NKAIN3: variants seen among roughly 807,000 people sequenced by gnomAD.
The protein encoded by NKAIN3 is sodium/potassium-transporting ATPase subunit beta-1-interacting protein 3.
A neutral mutation model predicts 30.2 loss-of-function variants in NKAIN3; 25 were observed. The ratio of observed to expected loss-of-function variants is 0.83; its 90% CI spans 0.60 to 1.16. The LOEUF is 1.16. NKAIN3 is among the 50% of genes most tolerant of loss of function. The pLI, the probability that NKAIN3 is intolerant of heterozygous loss-of-function variation, is 0.00. For missense variants in NKAIN3, 225 were observed against 254.1 expected, an observed-to-expected ratio of 0.89 and a Z score of 0.78; for synonymous variants, 91 against 89.6, an observed-to-expected ratio of 1.02 and a Z score of -0.09.
At chr8:62,537,533 C>G (rs1361032047) in intron 1 of NKAIN3, among the ~76,000 whole-genome samples, 1 of 152,004 alleles carries the variant, frequency 6.6e-6, no homozygotes, top group Non-Finnish European at 1.5e-5. Context: ...GGAGAAAATT[C>G]TTCCCCAGTC....
chr8:62,815,319 G>C (rs1818640155), intron 4 of NKAIN3, among the ~76,000 whole-genome samples: 1 of 152,204 alleles, frequency 6.6e-6, no homozygotes, highest in African/African-American at 2.4e-5. Context: ...CATTCCTTCT[G>C]AAACTATTCC....
intron 4 of NKAIN3, among the ~76,000 whole-genome samples, chr8:62,825,698 A>C (rs1418045903): frequency 2.6e-5 from 4 of 152,146 alleles, no homozygotes; most frequent in Non-Finnish European, 4.4e-5. Context: ...ACCATGTATG[A>C]TATGTGGTCT....
At chr8:62,568,364 G>A (rs924242716) in intron 1 of NKAIN3, among the ~76,000 whole-genome samples, 4 of 152,106 alleles carry the variant, frequency 2.6e-5, no homozygotes, top group Admixed American at 1.3e-4. Context: ...ATAAAAAATT[G>A]AAGTGACAAA....
intron 5 of NKAIN3, among the ~76,000 whole-genome samples, chr8:62,947,162 A>G (rs1033425405): frequency 3.3e-5 from 5 of 152,204 alleles, no homozygotes; most frequent in Non-Finnish European, 7.3e-5. Flanking sequence ...GGGTTCCTCA[A>G]GTTTTATAAG....
intron 1 of NKAIN3, among the ~76,000 whole-genome samples, chr8:62,319,186 T>G (rs1372631745): frequency 1.3e-5 from 2 of 152,328 alleles, no homozygotes; most frequent in South Asian, 4.1e-4. Flanking sequence ...GATATCCCCT[T>G]TATCATTTTT....
intron 6 of NKAIN3, among the ~76,000 whole-genome samples, chr8:62,960,735 G>GAACACACA (rs1554596933): frequency 1.3e-5 from 2 of 148,434 alleles, no homozygotes; most frequent in African/African-American, 5.0e-5. Context: ...CAGGAAAAAA[G>GAACACACA]CACACACACA....
chr8:62,615,356 G>A (rs1189021461), intron 3 of NKAIN3, among the ~76,000 whole-genome samples: 7 of 152,152 alleles, frequency 4.6e-5, no homozygotes. Flanking sequence ...GCAAGACAAA[G>A]TCCTCCTGAA....
intron 2 of NKAIN3, among the ~76,000 whole-genome samples, chr8:62,586,865 G>A (rs1434615357): frequency 2.6e-5 from 4 of 151,856 alleles, no homozygotes; most frequent in Admixed American, 2.6e-4. Context: ...CTAAACATAA[G>A]CAAAGTAGAA....
Position 62,327,529 on chromosome 8 carries a change from C to G in NKAIN3, c.54+78402C>G, listed in dbSNP as rs542003363. 5.3e-5 allele frequency among the ~76,000 whole-genome samples: 8 copies of G among 152,096 alleles called. No individual in the cohort carries two copies. In the South Asian group the frequency reaches 1.7e-3, roughly 32 times the overall value. Reference sequence around the variant, plus strand: ...GTAAGGGTCCAGATTCATTCATTACCATGTGGATATCCAGTTCCCCAGCAC... The same window carrying G: ...GTAAGGGTCCAGATTCATTCATTACGATGTGGATATCCAGTTCCCCAGCAC... On this transcript the variant is annotated intron_variant, in intron 1 of 6. Transcript: ENST00000623646.
chr8:62,821,218 C>A (rs1467111078), intron 4 of NKAIN3, among the ~76,000 whole-genome samples: 1 of 151,948 alleles, frequency 6.6e-6, no homozygotes, highest in Non-Finnish European at 1.5e-5. Context: ...TATCTCCCTG[C>A]CAAACGTGAG....
chr8:62,911,371 T>C (rs182143817), intron 4 of NKAIN3, among the ~76,000 whole-genome samples: 7 of 152,150 alleles, frequency 4.6e-5, no homozygotes, highest in South Asian at 2.1e-4. Flanking sequence ...GGAATAATCA[T>C]TGGAATACAA....
intron 1 of NKAIN3, among the ~76,000 whole-genome samples, chr8:62,345,646 T>TAC (rs1398195721): frequency 2.0e-5 from 3 of 148,458 alleles, no homozygotes; most frequent in Non-Finnish European, 4.5e-5. Context: ...TATGTATATA[T>TAC]ACACATATAT....
rs930006150 is a variant in NKAIN3 at position 62,976,394 on chromosome 8, A to T, written c.*10987A>T. ...ACTATTAGGTGCATACATATTTAGG[A>T]TAGTTAGCTCTTCCTGTTGCATTGA... On this transcript the variant is annotated 3_prime_UTR_variant, in exon 7 of 7. Transcript: ENST00000623646. Among the ~76,000 whole-genome samples the T allele has an allele frequency of 6.6e-6, 1 of 152,084 alleles. No homozygotes were observed. Among genetic ancestry groups the T allele is most frequent in the Non-Finnish European group, 1.5e-5 (1 of 68,010 alleles).
intron 1 of NKAIN3, among the ~76,000 whole-genome samples, chr8:62,288,377 G>A (rs539859810): frequency 6.6e-6 from 1 of 152,244 alleles, no homozygotes; most frequent in Non-Finnish European, 1.5e-5. Context: ...ATCTCCTAAT[G>A]CTATCCCTCC....
At chr8:62,372,424 C>T (rs1816939540) in intron 1 of NKAIN3, among the ~76,000 whole-genome samples, 1 of 151,688 alleles carries the variant, frequency 6.6e-6, no homozygotes. Context: ...TGATATATTT[C>T]CTTTTCATGT....
chr8:62,329,966 C>G (rs1416722867), intron 1 of NKAIN3, among the ~76,000 whole-genome samples: 1 of 151,960 alleles, frequency 6.6e-6, no homozygotes, highest in Non-Finnish European at 1.5e-5. Flanking sequence ...TGTTGATTTA[C>G]CACTAAACCA....
In NKAIN3 at chr8:62,916,457, T is replaced by C. The variant is rs147490049; in HGVS notation, c.472-1996T>C. ...TTAGGGACCATTTCTTTCTTGTGTA[T>C]GTAACTGGTTTACTGAATGGGTTGG... On this transcript the variant is annotated intron_variant, in intron 4 of 6. Transcript: ENST00000623646. Among the ~76,000 whole-genome samples the C allele has an allele frequency of 6.8e-3, 1,033 of 152,300 alleles. 46 individuals are homozygous for C. Among genetic ancestry groups the C allele is most frequent in the Admixed American group, 0.064 (977 of 15,298 alleles).
chr8:62,591,684 A>C (rs1810659433), intron 3 of NKAIN3, among the ~76,000 whole-genome samples: 1 of 152,034 alleles, frequency 6.6e-6, no homozygotes, highest in Non-Finnish European at 1.5e-5. Flanking sequence ...GCCATTAAGC[A>C]GTCAACCAAG....
At chr8:62,706,032 T>C (rs1814509186) in intron 3 of NKAIN3, among the ~76,000 whole-genome samples, 1 of 152,186 alleles carries the variant, frequency 6.6e-6, no homozygotes, top group African/African-American at 2.4e-5. Context: ...ACATTGTAAG[T>C]TGACCTGTGT....
Sources: gnomAD v4.1 joint callset for allele counts (sites outside exome capture counted in the v4.1 genomes callset) on GRCh38, gnomAD v4.1.1 for gene constraint, MANE v1.5 for transcripts, NCBI Gene and HGNC (gene_info 2026-07-23, HGNC 2026-07-21) for gene names.